The following ZRANB1 variants were observed in gnomAD, a reference collection of about 807,000 sequenced individuals.
The protein encoded by ZRANB1 is zinc finger RANBP2-type containing 1.
Under a neutral mutation model 80.5 loss-of-function variants are expected in ZRANB1, and 16 were observed. That is an observed-to-expected ratio of 0.20 (90% CI 0.13 to 0.30). ZRANB1 has a LOEUF of 0.30. Among genes scored for constraint, ZRANB1 ranks in the 10% least tolerant of loss-of-function variants. The probability of loss-of-function intolerance (pLI) is 1.00; values close to 1 mark genes in which losing one functional copy is unlikely to be tolerated. For synonymous variants in ZRANB1, 291 were observed against 293.1 expected, an observed-to-expected ratio of 0.99 and a Z score of 0.07; for missense variants, 576 against 862.6, an observed-to-expected ratio of 0.67 and a Z score of 4.16.
chr10:124,926,117 A>G, the ZRANB1 span, among the ~76,000 whole-genome samples: 4,061 of 152,302 alleles, frequency 0.027, 159 homozygotes, highest in African/African-American at 0.091. Context: ...GTACACCTGT[A>G]TAGGGGAATG....
intron 1 of ZRANB1, among the ~76,000 whole-genome samples, chr10:124,959,175 A>G (rs1951710366): frequency 6.6e-6 from 1 of 152,202 alleles, no homozygotes; most frequent in Non-Finnish European, 1.5e-5. Context: ...ATAGAACCTA[A>G]TCTCATTAGG....
At chr10:124,948,822 C>G (rs1327848110) in intron 1 of ZRANB1, among the ~76,000 whole-genome samples, 2 of 152,152 alleles carry the variant, frequency 1.3e-5, no homozygotes, top group Non-Finnish European at 2.9e-5. Flanking sequence ...ACAACAGTGC[C>G]TGCTACATAC....
intron 2 of ZRANB1, among the ~76,000 whole-genome samples, chr10:124,969,204 G>C (rs1022515152): frequency 1.3e-5 from 2 of 152,202 alleles, no homozygotes; most frequent in African/African-American, 4.8e-5. Context: ...TTTGAAACCT[G>C]CAGTGTCTTT....
upstream of ZRANB1, among the ~76,000 whole-genome samples, chr10:124,938,878 A>G (rs186671115): frequency 2.9e-4 from 44 of 152,182 alleles, 1 homozygote; most frequent in Admixed American, 7.2e-4. Context: ...GGCTAATTAA[A>G]AAAAAGTTTT....
At chr10:124,924,804 C>T in the ZRANB1 span, among the ~76,000 whole-genome samples, 3 of 151,976 alleles carry the variant, frequency 2.0e-5, no homozygotes, top group South Asian at 2.1e-4. Context: ...GTTTTTACTT[C>T]TCTTGGGTAT....
At chr10:124,951,787 TCTCTA>T (rs1951640984) in intron 1 of ZRANB1, among the ~76,000 whole-genome samples, 1 of 151,942 alleles carries the variant, frequency 6.6e-6, no homozygotes, top group South Asian at 2.1e-4. Flanking sequence ...TGAAACCTCG[TCTCTA>T]CTGAAAATAC....
At chr10:124,980,028 A>T (rs1429277683) in intron 5 of ZRANB1, among the ~76,000 whole-genome samples, 1 of 152,252 alleles carries the variant, frequency 6.6e-6, no homozygotes, top group Admixed American at 6.5e-5. Context: ...ATTTCCATAT[A>T]CATTTTAGGA....
intron 2 of ZRANB1, among the ~76,000 whole-genome samples, chr10:124,969,317 C>T (rs576698738): frequency 1.3e-5 from 2 of 152,234 alleles, no homozygotes; most frequent in South Asian, 4.1e-4. Flanking sequence ...GGGATTTGTT[C>T]CAGGCAAAGA....
the ZRANB1 span, among the ~76,000 whole-genome samples, chr10:124,928,656 C>T: frequency 3.5e-3 from 537 of 152,230 alleles, no homozygotes; most frequent in Non-Finnish European, 5.5e-3. Flanking sequence ...TAAACGTATA[C>T]GAAATGTTGG....
At chr10:124,957,687 C>G (rs944276292) in intron 1 of ZRANB1, among the ~76,000 whole-genome samples, 4 of 151,638 alleles carry the variant, frequency 2.6e-5, no homozygotes, top group Non-Finnish European at 5.9e-5. Context: ...AGTATAATGT[C>G]TTTAAGGTTC....
chr10:124,946,654 A>C (rs552668465), intron 1 of ZRANB1, among the ~76,000 whole-genome samples: 1 of 152,314 alleles, frequency 6.6e-6, no homozygotes, highest in South Asian at 2.1e-4. Flanking sequence ...TGTCATTCTG[A>C]ACTGTTATAC....
intron 1 of ZRANB1, among the ~76,000 whole-genome samples, chr10:124,963,632 G>A (rs537077844): frequency 6.9e-6 from 1 of 144,050 alleles, no homozygotes; most frequent in Non-Finnish European, 1.5e-5. Flanking sequence ...GAAAACATGC[G>A]GTGGCTAAAA....
upstream of ZRANB1, among the ~76,000 whole-genome samples, chr10:124,940,725 T>G (rs1315215304): frequency 6.6e-6 from 1 of 152,000 alleles, no homozygotes; most frequent in Non-Finnish European, 1.5e-5. Context: ...CCTGTAATCC[T>G]AGCACTTTGG....
chr10:124,920,913 CAA>C, the ZRANB1 span, among the ~76,000 whole-genome samples: 1 of 151,962 alleles, frequency 6.6e-6, no homozygotes, highest in African/African-American at 2.4e-5. Context: ...CATGGTCTGA[CAA>C]AGTATTTTTG....
chr10:124,929,781 A>G, the ZRANB1 span, among the ~76,000 whole-genome samples: 2 of 151,742 alleles, frequency 1.3e-5, no homozygotes, highest in African/African-American at 2.4e-5. Flanking sequence ...CCCTGTCTCT[A>G]TCAAAAATAC....
At chr10:124,937,662 G>C (rs1018298857), upstream of ZRANB1, among the ~76,000 whole-genome samples, 1 of 152,172 alleles carries the variant, frequency 6.6e-6, no homozygotes, top group African/African-American at 2.4e-5. Flanking sequence ...CATTATGTAA[G>C]TCCCTTTCCC....
At chr10:124,945,393 G>C (rs994983425) in intron 1 of ZRANB1, 2 of 142,996 alleles carry the variant, frequency 1.4e-5, no homozygotes, top group African/African-American at 5.4e-5. Flanking sequence ...TATGCCTTTG[G>C]AACAGTCTTA....
At chr10:124,950,845 G>T (rs1228917377) in intron 1 of ZRANB1, among the ~76,000 whole-genome samples, 1 of 152,154 alleles carries the variant, frequency 6.6e-6, no homozygotes, top group East Asian at 1.9e-4. Flanking sequence ...GCAGGACATG[G>T]TGGTGTTCCC....
chr10:124,942,971 T>C lies in ZRANB1; in HGVS notation c.478T>C (p.Tyr160His), dbSNP rs1226086512. Reference sequence around the variant, plus strand: ...GCACTGGACTTGCTCTGTTTGCACATATGAAAACTGGGCCAAGGCTAAAAG... The same window carrying C: ...GCACTGGACTTGCTCTGTTTGCACACATGAAAACTGGGCCAAGGCTAAAAG... ...TQHWTCSVCT[Y>H]ENWAKAKRCV... The change falls in exon 1 of 9, where the codon TAT (tyrosine) becomes CAT (histidine). Residue 160 changes from tyrosine to histidine, a missense_variant. Physicochemically the swap from Tyr to His is moderately conservative, Grantham distance 83. Around this residue, in one of 3 missense-constraint regions of ZRANB1, gnomAD observed 411 missense variants for 583.1 expected, o/e 0.70. Transcript: ENST00000359653. 1.2e-6 allele frequency: 2 copies of C among 1,614,104 alleles called. No homozygotes were observed. The highest frequency in any genetic ancestry group is 1.7e-5 in the Admixed American group (1 of 60,010).
Sources: allele counts gnomAD v4.1 joint callset (sites outside exome capture counted in the v4.1 genomes callset), GRCh38; gene constraint gnomAD v4.1.1; regional missense constraint gnomAD v4.1.1; transcripts MANE v1.5; gene names NCBI Gene and HGNC (gene_info 2026-07-23, HGNC 2026-07-21).